Variants in THSD4 observed in about 807,000 individuals in gnomAD.
THSD4 encodes the protein thrombospondin type 1 domain containing 4, also known as thrombospondin type-1 domain-containing protein 4.
In THSD4, 69 loss-of-function variants were observed where a neutral mutation model predicts 119.0. The observed-to-expected ratio is 0.58, with a 90% CI of 0.48 to 0.71. The LOEUF is 0.71. Among genes scored for constraint, THSD4 ranks in the 30% least tolerant of loss-of-function variants. The probability of loss-of-function intolerance (pLI) is 0.00; values close to 1 mark genes in which losing one functional copy is unlikely to be tolerated. For synonymous variants in THSD4, 524 were observed against 540.4 expected, an observed-to-expected ratio of 0.97 and a Z score of 0.42; for missense variants, 1,393 against 1,391.1, an observed-to-expected ratio of 1.00 and a Z score of -0.02.
chr15:71,187,834 G>A (rs1165560456), intron 3 of THSD4, among the ~76,000 whole-genome samples: 2 of 152,172 alleles, frequency 1.3e-5, no homozygotes, highest in Non-Finnish European at 2.9e-5. Context: ...TAATCTTCCT[G>A]AACCTCCATC....
intron 7 of THSD4, among the ~76,000 whole-genome samples, chr15:71,612,618 T>C (rs2050250988): frequency 6.6e-6 from 1 of 152,166 alleles, no homozygotes; most frequent in East Asian, 1.9e-4. Flanking sequence ...GCTTAAACTT[T>C]TGACACATTG....
In THSD4 at chr15:71,365,840, C is replaced by T. The variant is rs535130751; in HGVS notation, c.1016-45847C>T. Among the ~76,000 whole-genome samples, 113 of 152,280 alleles carry T rather than the reference C, an allele frequency of 7.4e-4. 1 individual carries two copies. The highest frequency in any genetic ancestry group is 2.6e-3 in the African/African-American group (109 of 41,564). On this transcript the variant is annotated intron_variant, in intron 6 of 17. Transcript: ENST00000261862. ...GTCTCATGACTTTTTTGATCACTCT[C>T]AAGTCATCAAGACTCCTAGGACCAC...
At chr15:71,739,868 A>G (rs918390645) in intron 11 of THSD4, among the ~76,000 whole-genome samples, 4 of 126,164 alleles carry the variant, frequency 3.2e-5, no homozygotes, top group African/African-American at 1.2e-4. Flanking sequence ...TTTTCTTTTG[A>G]TACTGGTATC....
At chr15:71,385,781 G>A (rs964709747) in intron 6 of THSD4, among the ~76,000 whole-genome samples, 4 of 152,168 alleles carry the variant, frequency 2.6e-5, no homozygotes, top group African/African-American at 9.7e-5. Context: ...CTCAAATCAC[G>A]TTTCGTTTAA....
At position 71,660,564 on chromosome 15, in the gene THSD4, A is replaced by C; in HGVS notation, c.1187A>C (p.Lys396Thr). 6.2e-7 allele frequency: 1 copy of C among 1,614,184 alleles called. No individual in the cohort carries two copies. Among genetic ancestry groups the C allele is most frequent in the Non-Finnish European group, 8.5e-7 (1 of 1,180,028 alleles). Reference sequence around the variant, plus strand: ...TGTGATGACTACTTAGGCTCCGACAAAGTCGTGGACAAATGTGGGGTGTGT... The same window carrying C: ...TGTGATGACTACTTAGGCTCCGACACAGTCGTGGACAAATGTGGGGTGTGT... ...IGCDDYLGSD[K>T]VVDKCGVCGG... Residue 396 changes from lysine (K) to threonine (T), a missense_variant, in exon 8 of 18, where the codon AAA becomes ACA. Lys to Thr is a moderately conservative substitution (Grantham distance 78). Coordinates refer to ENST00000261862, the MANE Select transcript of THSD4 (RefSeq NM_024817.3).
Position 71,503,968 on chromosome 15 carries a change from G to A in THSD4, c.1152+92145G>A, listed in dbSNP as rs963755763. The stretch of plus-strand genomic sequence containing the variant: ...GACCATGAAGAATCAGTTTATACTG[G>A]CACTCTTCACGCAGATAGTCTGTGG... On this transcript the variant is annotated intron_variant, in intron 7 of 17. Coordinates refer to ENST00000261862, the MANE Select transcript of THSD4 (RefSeq NM_024817.3). Among the ~76,000 whole-genome samples the A allele has an allele frequency of 2.6e-5, 4 of 152,138 alleles. No homozygotes were observed. In the South Asian group the frequency reaches 6.2e-4, roughly 24 times the overall value.
chr15:71,239,036 A>G (rs1451726653), intron 4 of THSD4, among the ~76,000 whole-genome samples: 1 of 152,234 alleles, frequency 6.6e-6, no homozygotes, highest in Non-Finnish European at 1.5e-5. Context: ...CTGAAGGTGC[A>G]TTATTTGCCA....
At chr15:71,623,696 C>A (rs112354692) in intron 7 of THSD4, among the ~76,000 whole-genome samples, 45 of 152,058 alleles carry the variant, frequency 3.0e-4, no homozygotes, top group African/African-American at 1.1e-3. Flanking sequence ...CCGAGGTGGG[C>A]GGGATCACCT....
intron 2 of THSD4, among the ~76,000 whole-genome samples, chr15:71,146,410 G>A (rs1371570496): frequency 6.7e-6 from 1 of 148,680 alleles, no homozygotes; most frequent in Non-Finnish European, 1.5e-5. Context: ...CTAATCATTT[G>A]CAGTTGTCTC....
intron 6 of THSD4, among the ~76,000 whole-genome samples, chr15:71,280,178 C>T (rs1324554286): frequency 6.6e-6 from 1 of 152,160 alleles, no homozygotes; most frequent in Non-Finnish European, 1.5e-5. Flanking sequence ...GCAGAAAATA[C>T]AGGTGTTAGG....
intron 1 of THSD4, among the ~76,000 whole-genome samples, chr15:71,105,912 G>A (rs2040272599): frequency 6.6e-6 from 1 of 152,130 alleles, no homozygotes; most frequent in Non-Finnish European, 1.5e-5. Context: ...GCCCTCTTGA[G>A]ATGTTGAGCT....
chr15:71,329,213 T>A (rs1042174565), intron 6 of THSD4, among the ~76,000 whole-genome samples: 1 of 152,134 alleles, frequency 6.6e-6, no homozygotes, highest in Admixed American at 6.5e-5. Context: ...TGACAGGTTG[T>A]ATCCATCATT....
At chr15:71,193,091 C>T (rs1455384450) in intron 3 of THSD4, among the ~76,000 whole-genome samples, 1 of 152,088 alleles carries the variant, frequency 6.6e-6, no homozygotes, top group African/African-American at 2.4e-5. Flanking sequence ...GTGGGATGGG[C>T]GGGGATCCTG....
chr15:71,619,223 C>G (rs1264025002), intron 7 of THSD4, among the ~76,000 whole-genome samples: 1 of 152,150 alleles, frequency 6.6e-6, no homozygotes, highest in African/African-American at 2.4e-5. Context: ...CCACCTACCT[C>G]AGCCTCCCAA....
intron 8 of THSD4, among the ~76,000 whole-genome samples, chr15:71,704,025 T>C (rs1470556850): frequency 2.6e-5 from 4 of 152,028 alleles, no homozygotes; most frequent in Non-Finnish European, 5.9e-5. Flanking sequence ...AATTTTTGTG[T>C]TTTTAGTAGA....
intron 7 of THSD4, among the ~76,000 whole-genome samples, chr15:71,631,862 G>C (rs1302301255): frequency 6.6e-6 from 1 of 152,178 alleles, no homozygotes; most frequent in Admixed American, 6.5e-5. Flanking sequence ...TCGGTTCAGG[G>C]AACTATCATT....
At chr15:71,628,467 G>A (rs1387539931) in intron 7 of THSD4, among the ~76,000 whole-genome samples, 3 of 152,258 alleles carry the variant, frequency 2.0e-5, no homozygotes, top group East Asian at 3.9e-4. Flanking sequence ...AGCAGAACGG[G>A]AATTTGAAGC....
intron 8 of THSD4, among the ~76,000 whole-genome samples, chr15:71,697,761 G>A (rs2052194777): frequency 6.6e-6 from 1 of 152,332 alleles, no homozygotes; most frequent in Non-Finnish European, 1.5e-5. Context: ...TTTGAGTTAA[G>A]TATTTTGCAG....
chr15:71,591,005 C>CAAAAAAAAAAAAAAAAAAA (rs67271025), intron 7 of THSD4, among the ~76,000 whole-genome samples: 8 of 57,508 alleles, frequency 1.4e-4, no homozygotes, highest in South Asian at 8.7e-4. Context: ...GACTCCATCT[C>CAAAAAAAAAAAAAAAAAAA]AAAAAAAAAA....
Sources: gnomAD v4.1 joint callset for allele counts (sites outside exome capture counted in the v4.1 genomes callset) on GRCh38, gnomAD v4.1.1 for gene constraint, MANE v1.5 for transcripts, NCBI Gene and HGNC (gene_info 2026-07-23, HGNC 2026-07-21) for gene names.